HUNK: variants seen among roughly 807,000 people sequenced by gnomAD.
HUNK encodes the protein hormonally up-regulated Neu-associated kinase.
A neutral mutation model predicts 61.0 loss-of-function variants in HUNK; 21 were observed. The observed-to-expected ratio is 0.34, with a 90% CI of 0.24 to 0.50. The LOEUF (loss-of-function observed/expected upper bound fraction) is 0.50. Ranked by LOEUF, HUNK falls within the 20% of genes least tolerant of loss-of-function variation. The pLI is 0.98. For missense variants in HUNK, 772 were observed against 945.7 expected, an observed-to-expected ratio of 0.82 and a Z score of 2.41; for synonymous variants, 371 against 386.1, an observed-to-expected ratio of 0.96 and a Z score of 0.46.
At chr21:31,995,647 G>T in intron 9 of HUNK, 121 bp from the exon 10 acceptor site, 1 of 804,192 alleles carries the variant, frequency 1.2e-6, no homozygotes. Flanking sequence ...ACACACAGTT[G>T]AGAGCATAGA....
chr21:31,974,996 C>CT (rs1033673980), intron 7 of HUNK, among the ~76,000 whole-genome samples: 5,197 of 145,052 alleles, frequency 0.036, 126 homozygotes, highest in African/African-American at 0.069. Context: ...TCTCTGTTGT[C>CT]TTTTTTTTTT....
chr21:31,905,277 C>T (rs572382337), intron 1 of HUNK, among the ~76,000 whole-genome samples: 1 of 152,196 alleles, frequency 6.6e-6, no homozygotes, highest in Non-Finnish European at 1.5e-5. Context: ...TTAAAGCCAC[C>T]TACAAGCCTA....
chr21:31,967,900 C>G (rs559482213), intron 5 of HUNK, among the ~76,000 whole-genome samples: 7 of 152,216 alleles, frequency 4.6e-5, no homozygotes, highest in African/African-American at 1.7e-4. Context: ...CACAGGTTGT[C>G]TTGGGAAACA....
chr21:31,921,154 CAAAAAAAA>C (rs751938845), intron 1 of HUNK, among the ~76,000 whole-genome samples: 8 of 39,374 alleles, frequency 2.0e-4, no homozygotes, highest in Non-Finnish European at 3.1e-4. Flanking sequence ...GATTCCATCT[CAAAAAAAA>C]AAAAAAAAAA....
chr21:31,958,625 C>T (rs1006039499), intron 4 of HUNK, among the ~76,000 whole-genome samples: 2 of 152,164 alleles, frequency 1.3e-5, no homozygotes, highest in African/African-American at 4.8e-5. Flanking sequence ...GATGATCCAC[C>T]TCCCAAAGTG....
chr21:31,902,574 C>T (rs1190701703), intron 1 of HUNK, among the ~76,000 whole-genome samples: 2 of 152,070 alleles, frequency 1.3e-5, no homozygotes, highest in African/African-American at 2.4e-5. Flanking sequence ...TATAGTGTTT[C>T]GTAGGGTCTT....
chr21:31,924,999 C>T lies in HUNK; in HGVS notation c.554+239C>T, dbSNP rs961798071. ...GCAACCTCCGCCTTGTGGGTTCAAGCGATTTTCCTGCCTCAGCCACCCAAG... is the reference window on the plus strand; with the variant it reads ...GCAACCTCCGCCTTGTGGGTTCAAGTGATTTTCCTGCCTCAGCCACCCAAG... On this transcript the variant is annotated intron_variant, in intron 2 of 10. Transcript: ENST00000270112. This position sits in a 1 kb window ranked among gnomAD's most constrained non-coding sequence, Gnocchi z 5.1. Among the ~76,000 whole-genome samples the T allele has an allele frequency of 4.6e-5, 7 of 152,110 alleles. No homozygotes were observed. In the South Asian group the frequency reaches 6.2e-4, roughly 14 times the overall value.
chr21:31,928,265 G>A (rs1273714955), intron 2 of HUNK, among the ~76,000 whole-genome samples: 1 of 152,146 alleles, frequency 6.6e-6, no homozygotes, highest in Non-Finnish European at 1.5e-5. Context: ...TCAAAAAGAG[G>A]ATGAGCACCG....
chr21:31,984,343 T>C (rs1009172845), intron 8 of HUNK, among the ~76,000 whole-genome samples: 3 of 152,018 alleles, frequency 2.0e-5, no homozygotes, highest in African/African-American at 7.2e-5. Flanking sequence ...TCATTCTCTG[T>C]CCCATAAAAA....
At chr21:31,985,878 C>T (rs560116848) in intron 8 of HUNK, among the ~76,000 whole-genome samples, 4 of 152,104 alleles carry the variant, frequency 2.6e-5, no homozygotes, top group Non-Finnish European at 2.9e-5. Context: ...AACATGACCT[C>T]GATAGAAGGA....
chr21:31,913,842 A>C (rs2052563005), intron 1 of HUNK, among the ~76,000 whole-genome samples: 2 of 151,902 alleles, frequency 1.3e-5, no homozygotes, highest in Admixed American at 1.3e-4. Context: ...AGAGGTCAGC[A>C]GGGAGAGTAG....
At chr21:31,957,250 C>G (rs1167673948) in intron 4 of HUNK, among the ~76,000 whole-genome samples, 1 of 152,228 alleles carries the variant, frequency 6.6e-6, no homozygotes, top group South Asian at 2.1e-4. Context: ...AGGTCTTTCT[C>G]TGGTCCCCAG....
In HUNK at chr21:31,998,851, A is replaced by G; in HGVS notation, c.1812A>G (p.Pro604=). 6.2e-7 allele frequency: 1 copy of G among 1,614,172 alleles called. No homozygotes were observed. Among genetic ancestry groups the G allele is most frequent in the Non-Finnish European group, 8.5e-7 (1 of 1,180,036 alleles). Residue 604 remains proline (P), a synonymous_variant, in exon 11 of 11, where the codon CCA becomes CCG. Coordinates refer to ENST00000270112, the MANE Select transcript of HUNK (RefSeq NM_014586.2). The stretch of plus-strand genomic sequence containing the variant: ...AGAGGACGCTGTCCCCGGGTCTGCC[A>G]TCCGGAAGCATGTCGCCTCTCCATA... The part of the protein sequence containing the change: ...SSERTLSPGL[P]SGSMSPLHTP...
At chr21:31,927,854 G>T (rs2052671587) in intron 2 of HUNK, among the ~76,000 whole-genome samples, 1 of 152,082 alleles carries the variant, frequency 6.6e-6, no homozygotes. Flanking sequence ...CACCATTCAG[G>T]CCAATCATTT....
intron 2 of HUNK, among the ~76,000 whole-genome samples, chr21:31,934,990 C>T (rs2052723573): frequency 6.6e-6 from 1 of 152,106 alleles, no homozygotes; most frequent in African/African-American, 2.4e-5. Context: ...GATTGATTTT[C>T]ACCCTTTTTT....
rs2052644248 is a variant in HUNK, at chr21:31,924,280, G to C, written c.262-188G>C. Among the ~76,000 whole-genome samples the C allele has an allele frequency of 6.7e-6, 1 of 150,218 alleles. No homozygotes were observed. On this transcript the variant is annotated intron_variant, in intron 1 of 10. Transcript: ENST00000270112. This position sits in a 1 kb window ranked among gnomAD's most constrained non-coding sequence, Gnocchi z 5.1. ...GTTGTACCTATATGTGTGTGTGTGT[G>C]TGTGTTTGTGTGGTATATGCATAAA...
intron 3 of HUNK, among the ~76,000 whole-genome samples, chr21:31,943,821 C>T (rs1405002636): frequency 6.6e-6 from 1 of 152,146 alleles, no homozygotes; most frequent in Non-Finnish European, 1.5e-5. Context: ...TCGAGGCAGC[C>T]CTTTGCTGTG....
intron 2 of HUNK, among the ~76,000 whole-genome samples, chr21:31,933,669 C>T (rs141113230): frequency 0.053 from 8,053 of 151,848 alleles, 266 homozygotes; most frequent in South Asian, 0.067. Flanking sequence ...CCTGTAATCC[C>T]AGCTACTCGG....
intron 3 of HUNK, among the ~76,000 whole-genome samples, chr21:31,942,753 C>T (rs1048116822): frequency 2.6e-5 from 4 of 152,084 alleles, no homozygotes; most frequent in African/African-American, 7.2e-5. Context: ...GCAGGATGCC[C>T]GCACCTGCTA....
Sources: gnomAD v4.1 joint callset for allele counts (sites outside exome capture counted in the v4.1 genomes callset) on GRCh38, gnomAD v4.1.1 for gene constraint, Gnocchi (gnomAD v3.1) non-coding constraint, MANE v1.5 for transcripts, NCBI Gene and HGNC (gene_info 2026-07-23, HGNC 2026-07-21) for gene names.